FBXO34: variants seen among roughly 807,000 people sequenced by gnomAD.
The protein encoded by FBXO34 is F-box protein 34.
A neutral mutation model predicts 24.5 loss-of-function variants in FBXO34; 12 were observed. The observed-to-expected ratio is 0.49, with a 90% confidence interval of 0.31 to 0.79. The LOEUF (loss-of-function observed/expected upper bound fraction) is 0.79. Ranked by LOEUF, FBXO34 falls within the 30% of genes least tolerant of loss-of-function variation. The pLI, the probability that FBXO34 is intolerant of heterozygous loss-of-function variation, is 0.04. For missense variants in FBXO34, 823 were observed against 857.7 expected, an observed-to-expected ratio of 0.96 and a Z score of 0.51; for synonymous variants, 320 against 311.9, an observed-to-expected ratio of 1.03 and a Z score of -0.27.
At chr14:55,283,763 G>T (rs548495835) in intron 1 of FBXO34, among the ~76,000 whole-genome samples, 4 of 151,946 alleles carry the variant, frequency 2.6e-5, no homozygotes, top group Non-Finnish European at 5.9e-5. Context: ...GCCCAGCCAA[G>T]AATTTATTCT....
At chr14:55,433,853 T>A in the FBXO34 span, 1 of 662,400 alleles carries the variant, frequency 1.5e-6, no homozygotes, top group Non-Finnish European at 2.5e-6. Flanking sequence ...CTTTTCTCCC[T>A]ACATTAAGGT....
At chr14:55,295,385 C>CTTT (rs1341367204) in intron 1 of FBXO34, among the ~76,000 whole-genome samples, 2 of 114,112 alleles carry the variant, frequency 1.8e-5, no homozygotes, top group South Asian at 2.7e-4. Context: ...ATATTCTTTT[C>CTTT]TATTTTTTTT....
At chr14:55,368,226 CTTTT>C (rs552931513), downstream of FBXO34, 6 of 147,348 alleles carry the variant, frequency 4.1e-5, no homozygotes, top group Non-Finnish European at 7.5e-5. Flanking sequence ...GAGGGAAATT[CTTTT>C]TTTTTTTGAG....
the FBXO34 span, among the ~76,000 whole-genome samples, chr14:55,382,690 T>C: frequency 1.3e-5 from 2 of 152,166 alleles, no homozygotes; most frequent in African/African-American, 4.8e-5. Context: ...GAGCTTGCTA[T>C]CAGAGAGGAA....
At chr14:55,384,523 C>G in the FBXO34 span, among the ~76,000 whole-genome samples, 1 of 152,230 alleles carries the variant, frequency 6.6e-6, no homozygotes, top group Non-Finnish European at 1.5e-5. Flanking sequence ...CTCCTAAAAA[C>G]TTTCTATTTT....
intron 1 of FBXO34, among the ~76,000 whole-genome samples, chr14:55,346,743 C>T (rs914046783): frequency 3.9e-5 from 6 of 152,042 alleles, no homozygotes; most frequent in Non-Finnish European, 8.8e-5. Flanking sequence ...GCCATTTGAC[C>T]TTCAGCTCTA....
chr14:55,305,665 C>CAA (rs911131291), intron 1 of FBXO34, among the ~76,000 whole-genome samples: 11 of 77,036 alleles, frequency 1.4e-4, no homozygotes, highest in African/African-American at 3.8e-4. Flanking sequence ...CTGCACTCCT[C>CAA]AAAAAAAAAA....
At chr14:55,408,629 G>A in the FBXO34 span, among the ~76,000 whole-genome samples, 1 of 152,148 alleles carries the variant, frequency 6.6e-6, no homozygotes, top group Non-Finnish European at 1.5e-5. Context: ...AAATTAGCCA[G>A]GTGTGGTGGA....
the FBXO34 span, among the ~76,000 whole-genome samples, chr14:55,377,638 CA>C: frequency 5.3e-5 from 8 of 151,600 alleles, no homozygotes; most frequent in East Asian, 1.2e-3. Context: ...GACATGATTA[CA>C]AAAAAAACCC....
Position 55,330,259 on chromosome 14 carries a change from T to C in FBXO34, c.-10-20122T>C, listed in dbSNP as rs145685638. Reference sequence around the variant, plus strand: ...TTGTCTCCGTAAGTGTTCTTCTAAATTTGTTTCAAATCTGTTTTAGGAATG... The same window carrying C: ...TTGTCTCCGTAAGTGTTCTTCTAAACTTGTTTCAAATCTGTTTTAGGAATG... On this transcript the variant is annotated intron_variant, in intron 1 of 1. Coordinates refer to ENST00000313833, the MANE Select transcript of FBXO34 (RefSeq NM_017943.4). Among the ~76,000 whole-genome samples, 439 of 152,298 alleles carry C rather than the reference T, an allele frequency of 2.9e-3. 8 individuals are homozygous for C. Among genetic ancestry groups the C allele is most frequent in the East Asian group, 0.021 (109 of 5,184 alleles).
At chr14:55,327,971 G>GGCTGGA (rs1883406033) in intron 1 of FBXO34, among the ~76,000 whole-genome samples, 1 of 120,118 alleles carries the variant, frequency 8.3e-6, no homozygotes. Flanking sequence ...CCATCACCCA[G>GGCTGGA]GCTGGAGTGT....
At chr14:55,283,672 G>A (rs911989652) in intron 1 of FBXO34, among the ~76,000 whole-genome samples, 2 of 151,770 alleles carry the variant, frequency 1.3e-5, no homozygotes, top group Non-Finnish European at 2.9e-5. Flanking sequence ...TGTTGGTTAG[G>A]CTGTTCTTGA....
At chr14:55,391,159 T>C in the FBXO34 span, 2 of 536,684 alleles carry the variant, frequency 3.7e-6, no homozygotes, top group East Asian at 3.5e-5. Flanking sequence ...AAGAGAACGA[T>C]GTTTTTCTAG....
the FBXO34 span, chr14:55,413,576 G>C: frequency 2.3e-6 from 1 of 442,570 alleles, no homozygotes; most frequent in Non-Finnish European, 4.5e-6. Flanking sequence ...AACTCATAGG[G>C]AATAGGTTCC....
intron 1 of FBXO34, among the ~76,000 whole-genome samples, chr14:55,283,839 CA>C (rs1002402500): frequency 4.6e-5 from 7 of 151,838 alleles, no homozygotes; most frequent in Admixed American, 4.6e-4. Flanking sequence ...TATTAAAGTC[CA>C]AAAAAATACT....
At chr14:55,299,161 G>C (rs893393793) in intron 1 of FBXO34, 1 of 1,098,892 alleles carries the variant, frequency 9.1e-7, no homozygotes, top group Non-Finnish European at 1.4e-6. Flanking sequence ...GAAGTCAGTG[G>C]CCCCGAAACA....
downstream of FBXO34, among the ~76,000 whole-genome samples, chr14:55,364,727 CTTTTTTTT>C (rs534426436): frequency 1.9e-3 from 251 of 130,034 alleles, 1 homozygote; most frequent in Non-Finnish European, 2.9e-3. Context: ...CAGTGCCCAA[CTTTTTTTT>C]TTTTTTTTTT....
the FBXO34 span, chr14:55,435,969 G>T: frequency 4.3e-6 from 5 of 1,172,496 alleles, no homozygotes; most frequent in Non-Finnish European, 4.8e-6. Context: ...ACTTATATCA[G>T]ATATAAAGAG....
the FBXO34 span, among the ~76,000 whole-genome samples, chr14:55,409,408 C>G: frequency 6.6e-6 from 1 of 152,106 alleles, no homozygotes; most frequent in Non-Finnish European, 1.5e-5. Context: ...GTTTATATCA[C>G]TGGGGTGGGG....
Sources: gnomAD v4.1 joint callset for allele counts (sites outside exome capture counted in the v4.1 genomes callset) on GRCh38, gnomAD v4.1.1 for gene constraint, MANE v1.5 for transcripts, NCBI Gene and HGNC (gene_info 2026-07-23, HGNC 2026-07-21) for gene names.